Variants in SFT2D3 observed in about 807,000 individuals in gnomAD.
SFT2D3 encodes the protein SFT2 domain containing 3.
For missense variants in SFT2D3, 405 were observed against 334.6 expected (o/e 1.21, Z -1.64); for synonymous variants, 239 against 191.2 (o/e 1.25, Z -2.06).
Position 127,702,065 on chromosome 2 carries a change from G to A in SFT2D3, c.537G>A (p.Ala179=). 8.3e-7 allele frequency: 1 copy of A among 1,208,804 alleles called. No homozygotes were observed. The highest frequency in any genetic ancestry group is 4.3e-5 in the Admixed American group (1 of 23,022). The allele number at this position is 1,208,804 out of a possible 1,614,324, so 74.9% of individuals were successfully genotyped here. A position where few individuals can be genotyped will look rare whatever the true frequency, so the allele number is the denominator to read the frequency against. ...TVLGAGAQVA[A]LLAALVGLLP... ...TGGGCGCGGGCGCGCAGGTGGCCGC[G>A]CTGCTGGCCGCGCTGGTTGGGCTGC... The change falls in exon 1 of 1, where the codon GCG becomes GCA. Residue 179 remains alanine, a synonymous_variant. Coordinates refer to ENST00000310981, the MANE Select transcript of SFT2D3 (RefSeq NM_032740.4).
In SFT2D3 at chr2:127,703,382, G is replaced by A. The variant is rs800859; in HGVS notation, c.*1206G>A. ...GTGCATTGGCTTGCACAATTTGAAA[G>A]TAATGCTTTTCCTGAGCTGGATCCC... On this transcript the variant is annotated 3_prime_UTR_variant, in exon 1 of 1. Transcript: ENST00000310981. The A allele has an allele frequency of 1, 166,418 of 167,194 alleles. 82,823 individuals are homozygous for A. The highest frequency in any genetic ancestry group is 1 in the Middle Eastern group (296 of 296). The allele number at this position is 167,194 out of a possible 1,614,324, so 10.4% of individuals were successfully genotyped here.
chr2:127,705,092 G>A lies in SFT2D3; in HGVS notation c.*2916G>A, dbSNP rs1685982481. ...CTGTCAAAAAAGGAAAAGAAAAAAA[G>A]AAACTTCCAGCACCACTAAATTTGC... On this transcript the variant is annotated 3_prime_UTR_variant, in exon 1 of 1. Coordinates refer to ENST00000310981, the MANE Select transcript of SFT2D3 (RefSeq NM_032740.4). This position sits in a 1 kb window ranked among gnomAD's most constrained non-coding sequence, Gnocchi z 4.5. 1 of 167,066 alleles carries A rather than the reference G, an allele frequency of 6.0e-6. No individual in the cohort carries two copies. Among genetic ancestry groups the A allele is most frequent in the Non-Finnish European group, 1.5e-5 (1 of 68,092 alleles). The allele number at this position is 167,066 out of a possible 1,614,324, so 10.3% of individuals were successfully genotyped here.
chr2:127,701,646 GC>G lies in SFT2D3; in HGVS notation c.119del (p.Ala40GlyfsTer26). 7.7e-7 allele frequency: 1 copy of G among 1,305,078 alleles called. No individual in the cohort carries two copies. The highest frequency in any genetic ancestry group is 2.2e-5 in the South Asian group (1 of 44,748). 80.8% of individuals were successfully genotyped at this position (1,305,078 alleles called of 1,614,324 possible). A position where few individuals can be genotyped will look rare whatever the true frequency, so the allele number is the denominator to read the frequency against. ...EKAEEPGDRP[A>X]EEWLGRAGLR... Reference sequence around the variant, plus strand: ...GGCGGAGGAGCCCGGGGACCGGCCGGCGGAGGAGTGGCTGGGCCGCGCGGGC... The same window carrying G: ...GGCGGAGGAGCCCGGGGACCGGCCGGGGAGGAGTGGCTGGGCCGCGCGGGC... On this transcript the variant is annotated frameshift_variant, in exon 1 of 1. Transcript: ENST00000310981. LOFTEE classifies it low-confidence loss of function (END_TRUNC).
In SFT2D3 at chr2:127,701,606, G is replaced by A. The variant is rs777574364; in HGVS notation, c.78G>A (p.Leu26=). ...GCGGCCCGGCGGCCGCGGAGCCGCT[G>A]CTCGCCGCGGAGAAGGCGGAGGAGC... is the stretch of plus-strand genomic sequence containing the variant. ...KAGGPAAAEP[L]LAAEKAEEPG... is the part of the protein sequence containing the mutation. Residue 26 remains leucine, a synonymous_variant, in exon 1 of 1, where the codon CTG becomes CTA. Coordinates refer to ENST00000310981, the MANE Select transcript of SFT2D3 (RefSeq NM_032740.4). 3.0e-6 allele frequency: 4 copies of A among 1,347,352 alleles called. No homozygotes were observed. The highest frequency in any genetic ancestry group is 3.8e-5 in the South Asian group (2 of 52,958). The allele number at this position is 1,347,352 out of a possible 1,614,324, so 83.5% of individuals were successfully genotyped here. A position where few individuals can be genotyped will look rare whatever the true frequency, so the allele number is the denominator to read the frequency against.
Position 127,702,055 on chromosome 2 carries a change from A to T in SFT2D3, c.527A>T (p.Gln176Leu). 8.2e-7 allele frequency: 1 copy of T among 1,225,488 alleles called. No individual in the cohort carries two copies. Among genetic ancestry groups the T allele is most frequent in the Non-Finnish European group, 1.0e-6 (1 of 985,644 alleles). The allele number at this position is 1,225,488 out of a possible 1,614,324, so 75.9% of individuals were successfully genotyped here. A position where few individuals can be genotyped will look rare whatever the true frequency, so the allele number is the denominator to read the frequency against. The change falls in exon 1 of 1, where the codon CAG becomes CTG. Residue 176 changes from glutamine (Q) to leucine (L), a missense_variant. Physicochemically the swap from Gln to Leu is moderately radical, Grantham distance 113 (BLOSUM62 -2). Transcript: ENST00000310981. ...TLLTVLGAGA[Q>L]VAALLAALVG... ...CTCACGGTGCTGGGCGCGGGCGCGC[A>T]GGTGGCCGCGCTGCTGGCCGCGCTG... is the stretch of plus-strand genomic sequence containing the variant.
chr2:127,701,990 C>G lies in SFT2D3; in HGVS notation c.462C>G (p.Gly154=). Residue 154 remains glycine, a synonymous_variant, in exon 1 of 1, where the codon GGC becomes GGG. Transcript: ENST00000310981. ...CGCTGCTCTACATGGCAGCGCTGGG[C>G]GCCACGCTGTTCGCCGCGCTGGGCC... ...RPALLYMAAL[G]ATLFAALGLR... is the part of the protein sequence containing the mutation. The G allele has an allele frequency of 7.5e-7, 1 of 1,340,806 alleles. No homozygotes were observed. The allele number at this position is 1,340,806 out of a possible 1,614,324, so 83.1% of individuals were successfully genotyped here.
rs1436080491 is a variant in SFT2D3 at position 127,703,312 on chromosome 2, TCC to T, written c.*1139_*1140del. The T allele has an allele frequency of 6.0e-6, 1 of 167,052 alleles. No individual in the cohort carries two copies. Among genetic ancestry groups the T allele is most frequent in the Non-Finnish European group, 1.5e-5 (1 of 68,110 alleles). The allele number at this position is 167,052 out of a possible 1,614,324, so 10.3% of individuals were successfully genotyped here. On this transcript the variant is annotated 3_prime_UTR_variant, in exon 1 of 1. Transcript: ENST00000310981. ...CCAGACATCAGGACCTTTTTAAAGC[TCC>T]CCAAGTGATTCTACGTTCCCCAAGT... is the stretch of plus-strand genomic sequence containing the variant.
rs868165776 is a variant in SFT2D3 at position 127,701,853 on chromosome 2, G to A, written c.325G>A (p.Ala109Thr). 5 of 1,461,198 alleles carry A rather than the reference G, an allele frequency of 3.4e-6. No individual in the cohort carries two copies. The highest frequency in any genetic ancestry group is 3.1e-5 in the East Asian group (1 of 32,572). The allele number at this position is 1,461,198 out of a possible 1,614,324, so 90.5% of individuals were successfully genotyped here. Residue 109 changes from alanine (A) to threonine (T), a missense_variant, in exon 1 of 1, where the codon GCG (alanine) becomes ACG (threonine). Transcript: ENST00000310981. Reference sequence around the variant, plus strand: ...GTTGCTGCTGCGCGCGCGCAAGTTCGCGCTGCTCTGGTCACTGGGCTCGGC... The same window carrying A: ...GTTGCTGCTGCGCGCGCGCAAGTTCACGCTGCTCTGGTCACTGGGCTCGGC... ...PVLLLRARKFALLWSLGSALA... is the reference protein window; with the variant it reads ...PVLLLRARKFTLLWSLGSALA...
At position 127,701,537 on chromosome 2, in the gene SFT2D3, C is replaced by G. The variant is rs374109151; in HGVS notation, c.9C>G (p.Asp3Glu). The stretch of plus-strand genomic sequence containing the variant: ...CCACCGCCTTGTCCAAGATGGCGGA[C>G]CTCCACCGCCAGCTGCAGGAGTACC... MA[D>E]LHRQLQEYLA... The change falls in exon 1 of 1, where the codon GAC (aspartate) becomes GAG (glutamate). Residue 3 changes from aspartate (D) to glutamate (E), a missense_variant. Asp to Glu is a conservative substitution (Grantham distance 45). Transcript: ENST00000310981. 3 of 1,339,538 alleles carry G rather than the reference C, an allele frequency of 2.2e-6. No individual in the cohort carries two copies. The highest frequency in any genetic ancestry group is 2.0e-5 in the South Asian group (1 of 50,986). 83.0% of individuals were successfully genotyped at this position (1,339,538 alleles called of 1,614,324 possible).
In SFT2D3 at chr2:127,701,751, C is replaced by G. The variant is rs1237507818; in HGVS notation, c.223C>G (p.Gln75Glu). 2.9e-5 allele frequency: 41 copies of G among 1,417,568 alleles called. No individual in the cohort carries two copies. Among genetic ancestry groups the G allele is most frequent in the Non-Finnish European group, 3.7e-5 (40 of 1,085,432 alleles). The allele number at this position is 1,417,568 out of a possible 1,614,324, so 87.8% of individuals were successfully genotyped here. Residue 75 changes from glutamine (Q) to glutamate (E), a missense_variant, in exon 1 of 1, where the codon CAG (glutamine) becomes GAG (glutamate). By Grantham distance (29) the Gln-to-Glu change is conservative. Transcript: ENST00000310981. The part of the protein sequence containing the change: ...LTCLPSVTRG[Q>E]RLAAGGGCLL... ...GTGCCTCCCGAGCGTGACGCGCGGG[C>G]AGCGGCTGGCGGCGGGCGGCGGGTG... is the stretch of plus-strand genomic sequence containing the variant.
At position 127,703,408 on chromosome 2, in the gene SFT2D3, A is replaced by G. The variant is rs1685939719; in HGVS notation, c.*1232A>G. The G allele has an allele frequency of 6.0e-6, 1 of 167,070 alleles. No homozygotes were observed. Among genetic ancestry groups the G allele is most frequent in the South Asian group, 2.1e-4 (1 of 4,826 alleles). The allele number at this position is 167,070 out of a possible 1,614,324, so 10.3% of individuals were successfully genotyped here. On this transcript the variant is annotated 3_prime_UTR_variant, in exon 1 of 1. Transcript: ENST00000310981. ...TAATGCTTTTCCTGAGCTGGATCCC[A>G]GTGTTGCCTTAACAGGGTGTCTGTC...
At position 127,701,998 on chromosome 2, in the gene SFT2D3, T is replaced by A. The variant is rs1685902963; in HGVS notation, c.470T>A (p.Leu157Gln). The A allele has an allele frequency of 7.5e-7, 1 of 1,326,208 alleles. No individual in the cohort carries two copies. Among genetic ancestry groups the A allele is most frequent in the Non-Finnish European group, 9.6e-7 (1 of 1,041,456 alleles). 82.2% of individuals were successfully genotyped at this position (1,326,208 alleles called of 1,614,324 possible). ...TACATGGCAGCGCTGGGCGCCACGC[T>A]GTTCGCCGCGCTGGGCCTTCGCAGC... ...LLYMAALGAT[L>Q]FAALGLRSTL... The change falls in exon 1 of 1, where the codon CTG becomes CAG. Residue 157 changes from leucine to glutamine, a missense_variant. Physicochemically the swap from Leu to Gln is moderately radical, Grantham distance 113 (BLOSUM62 -2). Coordinates refer to ENST00000310981, the MANE Select transcript of SFT2D3 (RefSeq NM_032740.4).
rs1685886381 is a variant in SFT2D3, at chr2:127,701,708, G to A, written c.180G>A (p.Ser60=). ...CGTGGGCGCGGAGCCCTGCGGAGTC[G>A]GCAGCGGCCGGCCTGACGTGCCTCC... ...RWTWARSPAE[S]AAAGLTCLPS... The change falls in exon 1 of 1, where the codon TCG becomes TCA. Residue 60 remains serine, a synonymous_variant. Transcript: ENST00000310981. The A allele has an allele frequency of 1.5e-6, 2 of 1,328,052 alleles. No homozygotes were observed. The highest frequency in any genetic ancestry group is 1.9e-5 in the South Asian group (1 of 52,006). 82.3% of individuals were successfully genotyped at this position (1,328,052 alleles called of 1,614,324 possible). A position where few individuals can be genotyped will look rare whatever the true frequency, so the allele number is the denominator to read the frequency against.
At position 127,702,054 on chromosome 2, in the gene SFT2D3, C is replaced by G. The variant is rs984438402; in HGVS notation, c.526C>G (p.Gln176Glu). 4.9e-6 allele frequency: 6 copies of G among 1,225,634 alleles called. No individual in the cohort carries two copies. In the African/African-American group the frequency reaches 9.5e-5, roughly 19 times the overall value. 75.9% of individuals were successfully genotyped at this position (1,225,634 alleles called of 1,614,324 possible). The change falls in exon 1 of 1, where the codon CAG becomes GAG. Residue 176 changes from glutamine to glutamate, a missense_variant. By Grantham distance (29) the Gln-to-Glu change is conservative. Coordinates refer to ENST00000310981, the MANE Select transcript of SFT2D3 (RefSeq NM_032740.4). ...GCTCACGGTGCTGGGCGCGGGCGCG[C>G]AGGTGGCCGCGCTGCTGGCCGCGCT... ...TLLTVLGAGA[Q>E]VAALLAALVG...
chr2:127,701,885 G>A lies in SFT2D3; in HGVS notation c.357G>A (p.Ala119=), dbSNP rs953245159. Residue 119 remains alanine, a synonymous_variant, in exon 1 of 1, where the codon GCG becomes GCA. Coordinates refer to ENST00000310981, the MANE Select transcript of SFT2D3 (RefSeq NM_032740.4). ...ALLWSLGSAL[A]LAGSALLRGG... The stretch of plus-strand genomic sequence containing the variant: ...TCTGGTCACTGGGCTCGGCGCTGGC[G>A]TTGGCGGGAAGCGCGCTGCTGCGGG... The A allele has an allele frequency of 1.4e-5, 21 of 1,457,124 alleles. No individual in the cohort carries two copies. Among genetic ancestry groups the A allele is most frequent in the Middle Eastern group, 2.4e-4 (1 of 4,248 alleles). 90.3% of individuals were successfully genotyped at this position (1,457,124 alleles called of 1,614,324 possible).
chr2:127,701,602 C>A lies in SFT2D3; in HGVS notation c.74C>A (p.Pro25Gln). Residue 25 changes from proline to glutamine, a missense_variant, in exon 1 of 1, where the codon CCG becomes CAG. By Grantham distance (76) the Pro-to-Gln change is moderately conservative. Coordinates refer to ENST00000310981, the MANE Select transcript of SFT2D3 (RefSeq NM_032740.4). ...GKAGGPAAAEPLLAAEKAEEP... is the reference protein window; with the variant it reads ...GKAGGPAAAEQLLAAEKAEEP... Reference sequence around the variant, plus strand: ...GCTGGCGGCCCGGCGGCCGCGGAGCCGCTGCTCGCCGCGGAGAAGGCGGAG... The same window carrying A: ...GCTGGCGGCCCGGCGGCCGCGGAGCAGCTGCTCGCCGCGGAGAAGGCGGAG... The A allele has an allele frequency of 7.4e-7, 1 of 1,347,536 alleles. No individual in the cohort carries two copies. The allele number at this position is 1,347,536 out of a possible 1,614,324, so 83.5% of individuals were successfully genotyped here.
rs899197713 is a variant in SFT2D3 at position 127,703,857 on chromosome 2, C to G, written c.*1681C>G. The stretch of plus-strand genomic sequence containing the variant: ...AACATTTCTCAGCTGGTGGCTCACA[C>G]CTGTAATCCCAGCATTTTGGGAGGC... On this transcript the variant is annotated 3_prime_UTR_variant, in exon 1 of 1. Transcript: ENST00000310981. The G allele has an allele frequency of 6.0e-6, 1 of 166,644 alleles. No individual in the cohort carries two copies. 10.3% of individuals were successfully genotyped at this position (166,644 alleles called of 1,614,324 possible). A position where few individuals can be genotyped will look rare whatever the true frequency, so the allele number is the denominator to read the frequency against.
rs1685968017 is a variant in SFT2D3 at position 127,704,621 on chromosome 2, A to G, written c.*2445A>G. ...AATAAGCTGTAATTTCAAAGTTAAAAAAAAAATAGTCTCTAGATTCTAACA... is the reference window on the plus strand; with the variant it reads ...AATAAGCTGTAATTTCAAAGTTAAAGAAAAAATAGTCTCTAGATTCTAACA... On this transcript the variant is annotated 3_prime_UTR_variant, in exon 1 of 1. Transcript: ENST00000310981. 1 of 167,086 alleles carries G rather than the reference A, an allele frequency of 6.0e-6. No homozygotes were observed. Among genetic ancestry groups the G allele is most frequent in the South Asian group, 2.1e-4 (1 of 4,820 alleles). 10.4% of individuals were successfully genotyped at this position (167,086 alleles called of 1,614,324 possible).
rs770065577 is a variant in SFT2D3, at chr2:127,701,913, G to T, written c.385G>T (p.Gly129Cys). 2.1e-6 allele frequency: 3 copies of T among 1,447,828 alleles called. No individual in the cohort carries two copies. The South Asian group carries it at 4.0e-5, about 19-fold the overall frequency. The allele number at this position is 1,447,828 out of a possible 1,614,324, so 89.7% of individuals were successfully genotyped here. The change falls in exon 1 of 1, where the codon GGC becomes TGC. Residue 129 changes from glycine to cysteine, a missense_variant. Transcript: ENST00000310981. Reference sequence around the variant, plus strand: ...GGCGGGAAGCGCGCTGCTGCGGGGCGGCGCGGCGTGCGGACGCCTGCTGCG... The same window carrying T: ...GGCGGGAAGCGCGCTGCTGCGGGGCTGCGCGGCGTGCGGACGCCTGCTGCG... Reference protein sequence around the residue: ...ALAGSALLRGGAACGRLLRCE... With the variant: ...ALAGSALLRGCAACGRLLRCE...
Sources: gnomAD v4.1 joint callset for allele counts on GRCh38, gnomAD v4.1.1 for gene constraint, Gnocchi (gnomAD v3.1) non-coding constraint, MANE v1.5 for transcripts, NCBI Gene and HGNC (gene_info 2026-07-23, HGNC 2026-07-21) for gene names.